Variants in LRRK1 observed in about 807,000 individuals in gnomAD.
LRRK1 encodes leucine-rich repeat serine/threonine-protein kinase 1.
A neutral mutation model predicts 209.1 loss-of-function variants in LRRK1; 113 were observed. The observed-to-expected ratio is 0.54, with a 90% CI of 0.46 to 0.63. The LOEUF is 0.63. LRRK1 is among the 30% of genes least tolerant of loss of function. The pLI is 0.00. For missense variants in LRRK1, 2,284 were observed against 2,632.2 expected, an observed-to-expected ratio of 0.87 and a Z score of 2.89; for synonymous variants, 1,144 against 1,099.7, an observed-to-expected ratio of 1.04 and a Z score of -0.80.
chr15:101,056,194 G>A (rs748714978), intron 27 of LRRK1, among the ~76,000 whole-genome samples: 2 of 152,168 alleles, frequency 1.3e-5, no homozygotes, highest in Admixed American at 6.5e-5. Context: ...TTTCCTTGCT[G>A]GACCTTTTTG....
At chr15:100,921,063 C>T (rs898710605) in intron 1 of LRRK1, among the ~76,000 whole-genome samples, 17 of 152,236 alleles carry the variant, frequency 1.1e-4, no homozygotes, top group Non-Finnish European at 1.5e-5. Flanking sequence ...AGCCTCCCTG[C>T]AGTCCCCATT....
chr15:101,017,446 AG>A (rs2141703668), intron 12 of LRRK1, among the ~76,000 whole-genome samples: 1 of 152,314 alleles, frequency 6.6e-6, no homozygotes, highest in African/African-American at 2.4e-5. Flanking sequence ...GGGAGTCCCC[AG>A]CGCCCCCCAG....
intron 20 of LRRK1, among the ~76,000 whole-genome samples, chr15:101,036,957 C>G (rs912021032): frequency 4.6e-5 from 7 of 152,228 alleles, no homozygotes; most frequent in African/African-American, 7.2e-5. Context: ...TTGCTGGGAA[C>G]AGGGATGCCA....
At chr15:101,053,535 A>G (rs2035608488) in intron 26 of LRRK1, 115 bp downstream of exon 26, 1 of 889,120 alleles carries the variant, frequency 1.1e-6, no homozygotes, top group Non-Finnish European at 1.7e-6. Flanking sequence ...GGCACGCCCA[A>G]CCCATGGCTC....
intron 2 of LRRK1, among the ~76,000 whole-genome samples, chr15:100,956,412 A>T (rs1350225693): frequency 4.6e-3 from 20 of 4,310 alleles, no homozygotes; most frequent in Admixed American, 0.015. Flanking sequence ...TTGTCAATTA[A>T]AAAAAAAAAC....
chr15:101,005,327 G>A (rs146930055), intron 6 of LRRK1, among the ~76,000 whole-genome samples: 11 of 151,660 alleles, frequency 7.3e-5, no homozygotes, highest in East Asian at 3.9e-4. Flanking sequence ...GACGACCACC[G>A]GAAACAATAT....
Position 100,970,179 on chromosome 15 carries a change from C to T in LRRK1, c.98-3625C>T, listed in dbSNP as rs186889020. Among the ~76,000 whole-genome samples, 1,173 of 152,176 alleles carry T rather than the reference C, an allele frequency of 7.7e-3. 18 individuals are homozygous for T. The highest frequency in any genetic ancestry group is 0.027 in the African/African-American group (1,127 of 41,528). On this transcript the variant is annotated intron_variant, in intron 2 of 33. Coordinates refer to ENST00000388948, the MANE Select transcript of LRRK1 (RefSeq NM_024652.6). ...TGCTGGGATTATAGGCATGGGCCAC[C>T]GCATGAGCCACCGCACCCAGCCACC...
At chr15:100,944,906 AAAAC>A (rs1311718748) in intron 2 of LRRK1, among the ~76,000 whole-genome samples, 1 of 152,264 alleles carries the variant, frequency 6.6e-6, no homozygotes, top group Non-Finnish European at 1.5e-5. Context: ...GTAAAGAAGC[AAAAC>A]AAAGATAGAG....
At position 101,045,975 on chromosome 15, in the gene LRRK1, T is replaced by C; in HGVS notation, c.2964-6T>C. The C allele has an allele frequency of 6.2e-7, 1 of 1,613,802 alleles. No individual in the cohort carries two copies. Among genetic ancestry groups the C allele is most frequent in the Non-Finnish European group, 8.5e-7 (1 of 1,179,802 alleles). ...CTGTTCACCAGTCCCCCTTGGTGTG[T>C]TTCAGCTACCTCCTGCCCCATCTCC... On this transcript the variant is annotated splice_polypyrimidine_tract_variant and splice_region_variant and intron_variant, in intron 20 of 33. Coordinates refer to ENST00000388948, the MANE Select transcript of LRRK1 (RefSeq NM_024652.6).
chr15:100,976,689 C>T (rs779813536), intron 3 of LRRK1, among the ~76,000 whole-genome samples: 1 of 152,078 alleles, frequency 6.6e-6, no homozygotes, highest in Non-Finnish European at 1.5e-5. Context: ...CTTACCCCTA[C>T]AGATTTACTT....
At chr15:101,036,903 C>T (rs1317829315) in intron 20 of LRRK1, among the ~76,000 whole-genome samples, 2 of 152,202 alleles carry the variant, frequency 1.3e-5, no homozygotes, top group African/African-American at 2.4e-5. Context: ...GTGATTTCCT[C>T]AGTAATTTAG....
chr15:101,034,847 G>GT lies in LRRK1; in HGVS notation c.2963+5624dup, dbSNP rs367895812. 1.0e-2 allele frequency among the ~76,000 whole-genome samples: 1,471 copies of GT among 147,700 alleles called. 12 individuals carry two copies. The highest frequency in any genetic ancestry group is 0.017 in the Middle Eastern group (5 of 288). ...GTTTTATATTTCTGGGAATTTGTCT[G>GT]TTTTTTTTTCCTAGGCTTTGCAGTT... On this transcript the variant is annotated intron_variant, in intron 20 of 33. Coordinates refer to ENST00000388948, the MANE Select transcript of LRRK1 (RefSeq NM_024652.6).
intron 26 of LRRK1, among the ~76,000 whole-genome samples, chr15:101,054,115 A>G (rs1046785494): frequency 2.0e-5 from 3 of 152,078 alleles, no homozygotes; most frequent in African/African-American, 7.2e-5. Flanking sequence ...AGTAGCTACA[A>G]GCACACGCCA....
intron 2 of LRRK1, among the ~76,000 whole-genome samples, chr15:100,962,592 C>T (rs573000067): frequency 6.6e-5 from 10 of 151,088 alleles, no homozygotes; most frequent in Non-Finnish European, 1.3e-4. Flanking sequence ...GGGACGGCTA[C>T]TGTAATTTTT....
rs578025582 is a variant in LRRK1 at position 101,073,615 on chromosome 15, A to G, written c.*4767A>G. On this transcript the variant is annotated 3_prime_UTR_variant, in exon 34 of 34. Coordinates refer to ENST00000388948, the MANE Select transcript of LRRK1 (RefSeq NM_024652.6). ...CCCAACCTCTTATCTCTGTGCCCCA[A>G]TCCCTTATTTCCATGCCCCCACCTC... is the stretch of plus-strand genomic sequence containing the variant. 8 of 151,840 alleles carry G rather than the reference A, an allele frequency of 5.3e-5. No individual in the cohort carries two copies. The highest frequency in any genetic ancestry group is 1.3e-4 in the Admixed American group (2 of 15,260). 9.4% of individuals were successfully genotyped at this position (151,840 alleles called of 1,614,324 possible). A position where few individuals can be genotyped will look rare whatever the true frequency, so the allele number is the denominator to read the frequency against.
At chr15:101,057,114 CA>C in intron 28 of LRRK1, 64 bp downstream of exon 28, 1 of 1,441,988 alleles carries the variant, frequency 6.9e-7, no homozygotes, top group Non-Finnish European at 9.3e-7. Context: ...TGTGGGTCCC[CA>C]GGGGGTGTGT....
intron 2 of LRRK1, among the ~76,000 whole-genome samples, chr15:100,926,912 T>A (rs1039435480): frequency 6.6e-6 from 1 of 152,166 alleles, no homozygotes; most frequent in Non-Finnish European, 1.5e-5. Flanking sequence ...CTAGAATTCC[T>A]GACCTCAAGT....
chr15:100,965,820 T>C (rs574628019), intron 2 of LRRK1, among the ~76,000 whole-genome samples: 3 of 152,196 alleles, frequency 2.0e-5, no homozygotes, highest in Non-Finnish European at 4.4e-5. Flanking sequence ...AATTTGGAAA[T>C]TTTCATCACC....
chr15:100,984,743 C>G lies in LRRK1; in HGVS notation c.433+1044C>G, dbSNP rs147545743. ...GCTTTTGTAGGAACTATTTTTTTCTCTGGTGAACTCAAGATGTCCTGGTCT... is the reference window on the plus strand; with the variant it reads ...GCTTTTGTAGGAACTATTTTTTTCTGTGGTGAACTCAAGATGTCCTGGTCT... On this transcript the variant is annotated intron_variant, in intron 4 of 33. Coordinates refer to ENST00000388948, the MANE Select transcript of LRRK1 (RefSeq NM_024652.6). Among the ~76,000 whole-genome samples, 103 of 152,082 alleles carry G rather than the reference C, an allele frequency of 6.8e-4. 2 individuals carry two copies. In the East Asian group the frequency reaches 0.019, roughly 28 times the overall value.
Sources: allele counts gnomAD v4.1 joint callset (sites outside exome capture counted in the v4.1 genomes callset), GRCh38; gene constraint gnomAD v4.1.1; transcripts MANE v1.5; gene names NCBI Gene and HGNC (gene_info 2026-07-23, HGNC 2026-07-21).